CPM: variants seen among roughly 807,000 people sequenced by gnomAD.
The protein encoded by CPM is carboxypeptidase M, also known as renal carboxypeptidase.
Under a neutral mutation model 46.4 loss-of-function variants are expected in CPM, and 35 were observed. That is an observed-to-expected ratio of 0.75 (90% confidence interval 0.58 to 1.00). The LOEUF is 1.00. Ranked by LOEUF, CPM falls within the 50% of genes least tolerant of loss-of-function variation. CPM has a pLI of 0.00. For missense variants in CPM, 422 were observed against 530.4 expected (o/e 0.80, Z 2.01); for synonymous variants, 195 against 195.3 (o/e 1.00, Z 0.01).
intron 1 of CPM, among the ~76,000 whole-genome samples, chr12:68,950,080 G>A (rs1050010530): frequency 9.2e-5 from 14 of 152,114 alleles, no homozygotes; most frequent in African/African-American, 3.4e-4. Context: ...GGAGTGAGGG[G>A]GCAGACAGCT....
chr12:68,906,957 G>C (rs534446132), intron 2 of CPM, among the ~76,000 whole-genome samples: 6 of 152,344 alleles, frequency 3.9e-5, no homozygotes, highest in African/African-American at 1.4e-4. Flanking sequence ...CTGGCTTCCA[G>C]AATTAAGCCT....
intron 1 of CPM, among the ~76,000 whole-genome samples, chr12:68,951,936 A>C (rs61926314): frequency 6.6e-6 from 1 of 152,228 alleles, no homozygotes; most frequent in South Asian, 2.1e-4. Flanking sequence ...GTGCCAGTGA[A>C]GGCCATGGGA....
In CPM at chr12:68,953,949, C is replaced by A. The variant is rs191955084; in HGVS notation, c.-4+9220G>T. 2.0e-5 allele frequency among the ~76,000 whole-genome samples: 3 copies of A among 152,324 alleles called. No homozygotes were observed. In the East Asian group the frequency reaches 5.8e-4, roughly 29 times the overall value. ...GTTTATGGTGGCTTTGTCAGCATTA[C>A]AACATAGAAATCCATCAGGCGTGAG... On this transcript the variant is annotated intron_variant, in intron 1 of 8. Coordinates refer to the CPM transcript ENST00000546373.
chr12:68,904,776 G>A (rs529488365), intron 2 of CPM, among the ~76,000 whole-genome samples: 2 of 152,204 alleles, frequency 1.3e-5, no homozygotes, highest in Non-Finnish European at 2.9e-5. Flanking sequence ...CATGTGGGTG[G>A]AAGGGGAAGA....
At position 68,856,295 on chromosome 12, in the gene CPM, G is replaced by T; in HGVS notation, c.*142C>A. 2.1e-6 allele frequency: 2 copies of T among 932,806 alleles called. No individual in the cohort carries two copies. Among genetic ancestry groups the T allele is most frequent in the Non-Finnish European group, 3.2e-6 (2 of 618,068 alleles). 57.8% of individuals were successfully genotyped at this position (932,806 alleles called of 1,614,324 possible). ...CCACATATTGCTTATTGTGGAATTT[G>T]GAAACATCCATTTCTCTTCTTCAGG... is the stretch of plus-strand genomic sequence containing the variant. On this transcript the variant is annotated 3_prime_UTR_variant, in exon 9 of 9. Transcript: ENST00000551568.
intron 1 of CPM, among the ~76,000 whole-genome samples, chr12:68,962,201 A>G (rs1473628123): frequency 2.0e-5 from 1 of 51,260 alleles, no homozygotes; most frequent in African/African-American, 4.0e-5. Context: ...CTCCATCTCA[A>G]AAAAAAAAAA....
At chr12:68,926,668 C>T (rs1334890671) in intron 2 of CPM, among the ~76,000 whole-genome samples, 13 of 151,964 alleles carry the variant, frequency 8.6e-5, no homozygotes, top group Admixed American at 3.9e-4. Flanking sequence ...CCCATTAACT[C>T]GTCATTTAGC....
chr12:68,850,155 T>C (rs543472269), downstream of CPM: 3 of 152,232 alleles, frequency 2.0e-5, no homozygotes, highest in African/African-American at 7.2e-5. Context: ...CGTCATGGCA[T>C]GTGCCTGTTA....
intron 1 of CPM, among the ~76,000 whole-genome samples, chr12:68,959,618 T>G (rs1889079470): frequency 6.6e-6 from 1 of 152,192 alleles, no homozygotes; most frequent in Non-Finnish European, 1.5e-5. Context: ...AAGACAGATG[T>G]GGGTGAAACA....
At chr12:68,859,649 A>G (rs555572845) in intron 7 of CPM, among the ~76,000 whole-genome samples, 67 of 152,294 alleles carry the variant, frequency 4.4e-4, no homozygotes, top group African/African-American at 1.5e-3. Context: ...TTCTCATTAA[A>G]TTCTCATATC....
At chr12:68,919,090 C>G (rs1887931650) in intron 2 of CPM, among the ~76,000 whole-genome samples, 1 of 152,212 alleles carries the variant, frequency 6.6e-6, no homozygotes, top group Non-Finnish European at 1.5e-5. Flanking sequence ...ATCACTTGCA[C>G]TTTGTGCACT....
Position 68,866,912 on chromosome 12 carries a change from T to C in CPM, c.924A>G (p.Ile308Met), listed in dbSNP as rs571167421. 1 of 1,613,450 alleles carries C rather than the reference T, an allele frequency of 6.2e-7. No individual in the cohort carries two copies. The highest frequency in any genetic ancestry group is 1.3e-5 in the African/African-American group (1 of 74,996). Residue 308 changes from isoleucine to methionine, a missense_variant, in exon 7 of 9, where the codon ATA becomes ATG. Transcript: ENST00000551568. ...TTTACAAACCTAGGTGCACCTGCTT[T>C]ATATATTCAATTAATGAGGCTTTGT... Reference protein sequence around the residue: ...NNNKASLIEYIKQVHLGVKGQ... With the variant: ...NNNKASLIEYMKQVHLGVKGQ...
chr12:68,896,048 G>A (rs1009231805), intron 2 of CPM, among the ~76,000 whole-genome samples: 2 of 152,134 alleles, frequency 1.3e-5, no homozygotes, highest in African/African-American at 4.8e-5. Flanking sequence ...TCTTCTTCCT[G>A]CCTTGGGTTT....
At chr12:68,870,792 C>T (rs752103485) in intron 4 of CPM, among the ~76,000 whole-genome samples, 8 of 152,188 alleles carry the variant, frequency 5.3e-5, no homozygotes, top group South Asian at 4.1e-4. Context: ...ACCTGTGGCA[C>T]GGACAGTAGC....
intron 1 of CPM, among the ~76,000 whole-genome samples, chr12:68,938,706 T>C (rs1339833366): frequency 6.6e-6 from 1 of 151,790 alleles, no homozygotes; most frequent in Non-Finnish European, 1.5e-5. Flanking sequence ...CATACAAATA[T>C]AGAGTAAGCA....
chr12:68,959,256 A>C (rs987697354), intron 1 of CPM, among the ~76,000 whole-genome samples: 1 of 152,200 alleles, frequency 6.6e-6, no homozygotes, highest in Admixed American at 6.6e-5. Context: ...GATTAAATGA[A>C]TGAATGAATA....
intron 7 of CPM, among the ~76,000 whole-genome samples, chr12:68,864,314 G>A (rs924584985): frequency 6.6e-6 from 1 of 152,128 alleles, no homozygotes; most frequent in African/African-American, 2.4e-5. Flanking sequence ...ATGATGGTGG[G>A]TGTCTGTAAT....
At chr12:68,899,099 C>T (rs183799836) in intron 2 of CPM, among the ~76,000 whole-genome samples, 8 of 152,198 alleles carry the variant, frequency 5.3e-5, no homozygotes, top group Non-Finnish European at 7.3e-5. Flanking sequence ...AATGTATGTG[C>T]CAGAAGATCT....
Position 68,866,996 on chromosome 12 carries a change from CA to C in CPM, c.839del (p.Leu280TrpfsTer25). The C allele has an allele frequency of 6.2e-7, 1 of 1,614,082 alleles. No homozygotes were observed. Among genetic ancestry groups the C allele is most frequent in the Non-Finnish European group, 8.5e-7 (1 of 1,179,980 alleles). Reference sequence around the variant, plus strand: ...GAGGATATTTACAGCATGACAGCTCCAACGTAATTTCAAAACACTGGGCCCA... The same window carrying C: ...GAGGATATTTACAGCATGACAGCTCCACGTAATTTCAAAACACTGGGCCCA... ...YIWAQCFEIT[L>X]ELSCCKYPRE... On this transcript the variant is annotated frameshift_variant, in exon 7 of 9. Coordinates refer to ENST00000551568, the MANE Select transcript of CPM (RefSeq NM_198320.5). LOFTEE classifies it high-confidence loss of function.
Sources: gnomAD v4.1 joint callset for allele counts (sites outside exome capture counted in the v4.1 genomes callset) on GRCh38, gnomAD v4.1.1 for gene constraint, MANE v1.5 for transcripts, NCBI Gene and HGNC (gene_info 2026-07-23, HGNC 2026-07-21) for gene names.